The following ADAM17 variants were observed in gnomAD, a reference collection of about 807,000 sequenced individuals.
The protein encoded by ADAM17 is ADAM metallopeptidase domain 17.
In ADAM17, 39 loss-of-function variants were observed where a neutral mutation model predicts 96.7. The observed-to-expected ratio is 0.40, with a 90% CI of 0.31 to 0.53. The LOEUF is 0.53. ADAM17 is among the 20% of genes least tolerant of loss of function. The pLI is 0.44. For synonymous variants in ADAM17, 344 were observed against 359.2 expected, an observed-to-expected ratio of 0.96 and a Z score of 0.48; for missense variants, 777 against 1,013.2, an observed-to-expected ratio of 0.77 and a Z score of 3.17.
chr2:9,515,678 G>A (rs908468547), intron 10 of ADAM17, among the ~76,000 whole-genome samples: 1 of 149,504 alleles, frequency 6.7e-6, no homozygotes, highest in Admixed American at 6.7e-5. Flanking sequence ...AGGTTGCAGT[G>A]AGCCGAGATG....
At chr2:9,537,851 T>C (rs1460629339) in intron 2 of ADAM17, among the ~76,000 whole-genome samples, 1 of 139,676 alleles carries the variant, frequency 7.2e-6, no homozygotes, top group Admixed American at 7.3e-5. Context: ...GAATATAGAC[T>C]CCATTGGCAC....
At chr2:9,549,165 G>A (rs1182041151) in intron 1 of ADAM17, among the ~76,000 whole-genome samples, 1 of 152,200 alleles carries the variant, frequency 6.6e-6, no homozygotes, top group Non-Finnish European at 1.5e-5. Context: ...AAGGGTGGGA[G>A]TTCAAGACCA....
intron 1 of ADAM17, among the ~76,000 whole-genome samples, chr2:9,549,995 G>A (rs1665531851): frequency 6.6e-6 from 1 of 152,054 alleles, no homozygotes. Flanking sequence ...TCCTACTTCT[G>A]ATATCAGAAA....
chr2:9,545,736 G>A (rs1261790436), intron 1 of ADAM17, among the ~76,000 whole-genome samples: 2 of 152,162 alleles, frequency 1.3e-5, no homozygotes, highest in Non-Finnish European at 2.9e-5. Flanking sequence ...GTTGGATGTT[G>A]TAACACTTCC....
intron 4 of ADAM17, among the ~76,000 whole-genome samples, chr2:9,532,401 C>T (rs1664783720): frequency 2.6e-5 from 4 of 151,970 alleles, no homozygotes. Flanking sequence ...ATCATTTTTT[C>T]AATAAACATT....
chr2:9,555,751 A>T lies in ADAM17; in HGVS notation c.-146T>A. Reference sequence around the variant, plus strand: ...CCCTCCCGCGCCGCCTACTGGGAAGATTCTACCGCCAGGCTCGACGCCCCC... The same window carrying T: ...CCCTCCCGCGCCGCCTACTGGGAAGTTTCTACCGCCAGGCTCGACGCCCCC... On this transcript the variant is annotated 5_prime_UTR_variant, in exon 1 of 19. Coordinates refer to ENST00000310823, the MANE Select transcript of ADAM17 (RefSeq NM_003183.6). 1.6e-6 allele frequency: 1 copy of T among 634,282 alleles called. No homozygotes were observed. The highest frequency in any genetic ancestry group is 2.4e-6 in the Non-Finnish European group (1 of 408,570). 39.3% of individuals were successfully genotyped at this position (634,282 alleles called of 1,614,324 possible).
intron 4 of ADAM17, among the ~76,000 whole-genome samples, chr2:9,535,392 G>A (rs1213326987): frequency 6.6e-6 from 1 of 152,224 alleles, no homozygotes; most frequent in Non-Finnish European, 1.5e-5. Flanking sequence ...ATGGAAGAGT[G>A]ACCACAGCCT....
At chr2:9,497,919 C>T (rs1259885472) in intron 13 of ADAM17, among the ~76,000 whole-genome samples, 1 of 152,048 alleles carries the variant, frequency 6.6e-6, no homozygotes, top group East Asian at 1.9e-4. Flanking sequence ...TCTGTTTTCC[C>T]TCTACTAGAC....
chr2:9,505,565 T>C (rs1217741577), intron 11 of ADAM17, 200 bp from the exon 12 acceptor site: 1 of 588,584 alleles, frequency 1.7e-6, no homozygotes, highest in Non-Finnish European at 3.0e-6. Context: ...GAATGCTAAA[T>C]GGCTGATGTG....
chr2:9,555,534 C>T lies in ADAM17; in HGVS notation c.72G>A (p.Pro24=), dbSNP rs1476481051. 4.4e-6 allele frequency: 7 copies of T among 1,601,548 alleles called. No homozygotes were observed. The highest frequency in any genetic ancestry group is 6.0e-6 in the Non-Finnish European group (7 of 1,173,974). ...FVLAPRPPDD[P]GFGPHQRLEK... ...CGAGTCTCTGGTGGGGGCCGAAGCC[C>T]GGGTCATCCGGAGGTCGCGGCGCCA... The change falls in exon 1 of 19, where the codon CCG becomes CCA. Residue 24 remains proline (P), a synonymous_variant. Transcript: ENST00000310823.
chr2:9,553,675 CAAA>C (rs34545244), intron 1 of ADAM17, among the ~76,000 whole-genome samples: 121 of 118,284 alleles, frequency 1.0e-3, no homozygotes, highest in Non-Finnish European at 1.4e-3. Flanking sequence ...AACACTGCCT[CAAA>C]AAAAAAAAAA....
chr2:9,552,782 T>C (rs1014789942), intron 1 of ADAM17, among the ~76,000 whole-genome samples: 2 of 152,218 alleles, frequency 1.3e-5, no homozygotes, highest in Non-Finnish European at 2.9e-5. Context: ...ATAACTTTCC[T>C]AAATTATGCA....
intron 11 of ADAM17, among the ~76,000 whole-genome samples, chr2:9,506,359 G>GTTTT (rs769256744): frequency 9.6e-5 from 7 of 73,238 alleles, no homozygotes; most frequent in African/African-American, 2.3e-4. Flanking sequence ...CTTCAAATCT[G>GTTTT]TTTTTTTTTT....
At chr2:9,543,397 T>C in intron 1 of ADAM17, 112 bp from the exon 2 acceptor site, 1 of 951,778 alleles carries the variant, frequency 1.1e-6, no homozygotes. Flanking sequence ...CATTAGGAAG[T>C]GCCAAGCACA....
intron 2 of ADAM17, among the ~76,000 whole-genome samples, chr2:9,538,222 G>A (rs1300085330): frequency 6.6e-6 from 1 of 152,116 alleles, no homozygotes; most frequent in East Asian, 1.9e-4. Flanking sequence ...GACAAAGAAA[G>A]GTATATTATT....
In ADAM17 at chr2:9,489,195, A is replaced by C. The variant is rs1158455591; in HGVS notation, c.*982T>G. On this transcript the variant is annotated 3_prime_UTR_variant, in exon 19 of 19. Coordinates refer to ENST00000310823, the MANE Select transcript of ADAM17 (RefSeq NM_003183.6). ...TTGTTAAGAAATATCTCACCCTCTT[A>C]TTCAATAGTGTTTGAAAACAGGCAA... 1 of 149,494 alleles carries C rather than the reference A, an allele frequency of 6.7e-6. No homozygotes were observed. Among genetic ancestry groups the C allele is most frequent in the African/African-American group, 2.5e-5 (1 of 40,036 alleles). The allele number at this position is 149,494 out of a possible 1,614,324, so 9.3% of individuals were successfully genotyped here.
In ADAM17 at chr2:9,492,922, A is replaced by G; in HGVS notation, c.2058T>C (p.Pro686=). 1.2e-6 allele frequency: 2 copies of G among 1,613,102 alleles called. No individual in the cohort carries two copies. The highest frequency in any genetic ancestry group is 2.2e-5 in the East Asian group (1 of 44,820). Reference sequence around the variant, plus strand: ...CCACACAATGGACAAGAATGCTGAAAGGAATCCAAAATATCAAGGAGAAAA... The same window carrying G: ...CCACACAATGGACAAGAATGCTGAAGGGAATCCAAAATATCAAGGAGAAAA... ...VLVFSLIFWI[P]FSILVHCVDK... The change falls in exon 17 of 19, where the codon CCT becomes CCC. Residue 686 remains proline (P), a synonymous_variant. Coordinates refer to ENST00000310823, the MANE Select transcript of ADAM17 (RefSeq NM_003183.6).
intron 1 of ADAM17, among the ~76,000 whole-genome samples, chr2:9,547,357 G>A (rs917823151): frequency 6.6e-6 from 1 of 152,142 alleles, no homozygotes; most frequent in African/African-American, 2.4e-5. Context: ...TGACACTGGA[G>A]GAAAGACCAA....
intron 10 of ADAM17, among the ~76,000 whole-genome samples, chr2:9,516,196 A>G (rs1664047178): frequency 1.3e-5 from 2 of 151,836 alleles, no homozygotes; most frequent in Admixed American, 6.6e-5. Context: ...TAGGTTGTTC[A>G]TTTTCTTATT....
Sources: allele counts gnomAD v4.1 joint callset (sites outside exome capture counted in the v4.1 genomes callset), GRCh38; gene constraint gnomAD v4.1.1; transcripts MANE v1.5; gene names NCBI Gene and HGNC (gene_info 2026-07-23, HGNC 2026-07-21).